The following STEAP1 variants were observed in gnomAD, a reference collection of about 807,000 sequenced individuals.
The protein encoded by STEAP1 is STEAP1 protein.
A neutral mutation model predicts 34.4 loss-of-function variants in STEAP1; 30 were observed. The observed-to-expected ratio is 0.87, with a 90% CI of 0.65 to 1.18. The LOEUF is 1.18. Among genes scored for constraint, STEAP1 ranks in the 50% most tolerant of loss-of-function variants. STEAP1 has a pLI of 0.00. For synonymous variants in STEAP1, 116 were observed against 135.3 expected, an observed-to-expected ratio of 0.86 and a Z score of 0.99; for missense variants, 318 against 391.1, an observed-to-expected ratio of 0.81 and a Z score of 1.58.
chr7:90,157,654 C>G (rs932303663), intron 1 of STEAP1, among the ~76,000 whole-genome samples: 1 of 152,136 alleles, frequency 6.6e-6, no homozygotes, highest in Non-Finnish European at 1.5e-5. Flanking sequence ...AGAATGTGGG[C>G]AAACTAAAAC....
chr7:90,156,133 G>T (rs1200443266), intron 1 of STEAP1, among the ~76,000 whole-genome samples: 6 of 152,146 alleles, frequency 3.9e-5, no homozygotes, highest in Admixed American at 2.0e-4. Flanking sequence ...AATAAATGTA[G>T]GTGGATTTGT....
At position 90,160,839 on chromosome 7, in the gene STEAP1, G is replaced by C. The variant is rs1437275150; in HGVS notation, c.119G>C (p.Arg40Thr). 3.7e-6 allele frequency: 6 copies of C among 1,613,860 alleles called. No individual in the cohort carries two copies. The highest frequency in any genetic ancestry group is 5.1e-6 in the Non-Finnish European group (6 of 1,179,860). ...ACGGGAGAGACCAGCATGCTAAAAA[G>C]ACCTGTGCTTTTGCATTTGCACCAA... Reference protein sequence around the residue: ...KDTGETSMLKRPVLLHLHQTA... With the variant: ...KDTGETSMLKTPVLLHLHQTA... The change falls in exon 3 of 5, where the codon AGA becomes ACA. Residue 40 changes from arginine to threonine, a missense_variant. Arg to Thr is a moderately conservative substitution (Grantham distance 71, BLOSUM62 -1). Transcript: ENST00000297205.
intron 1 of STEAP1, among the ~76,000 whole-genome samples, chr7:90,155,458 G>A (rs1361760093): frequency 6.6e-6 from 1 of 152,172 alleles, no homozygotes; most frequent in East Asian, 1.9e-4. Context: ...AGCCATCCTG[G>A]TACAGCAAAA....
chr7:90,157,678 A>G (rs1320570038), intron 1 of STEAP1, among the ~76,000 whole-genome samples: 1 of 152,256 alleles, frequency 6.6e-6, no homozygotes, highest in Non-Finnish European at 1.5e-5. Context: ...AGATATCTTC[A>G]TCATGAATGT....
At chr7:90,162,310 TTG>T in intron 4 of STEAP1, 32 of 648,512 alleles carry the variant, frequency 4.9e-5, no homozygotes, top group East Asian at 1.2e-4. Flanking sequence ...TTTTTTTTTT[TTG>T]TTTGTTTGTT....
chr7:90,156,260 A>C (rs935213871), intron 1 of STEAP1, among the ~76,000 whole-genome samples: 30 of 151,344 alleles, frequency 2.0e-4, no homozygotes, highest in African/African-American at 5.8e-4. Flanking sequence ...TCCCTCCCCC[A>C]CCCCACAAAC....
rs1794175150 is a variant in STEAP1, at chr7:90,160,937, T to C, written c.217T>C (p.Leu73=). 1 of 1,613,928 alleles carries C rather than the reference T, an allele frequency of 6.2e-7. No individual in the cohort carries two copies. Among genetic ancestry groups the C allele is most frequent in the African/African-American group, 1.3e-5 (1 of 74,946 alleles). The change falls in exon 3 of 5, where the codon TTG becomes CTG. Residue 73 remains leucine, a synonymous_variant. Coordinates refer to ENST00000297205, the MANE Select transcript of STEAP1 (RefSeq NM_012449.3). The part of the protein sequence containing the change: ...HTQELFPQWH[L]PIKIAAIIAS... ...ACAGGAACTCTTTCCACAGTGGCAC[T>C]TGCCAATTAAAATAGCTGCTATTAT...
At chr7:90,162,633 C>T (rs974199612) in intron 4 of STEAP1, among the ~76,000 whole-genome samples, 31 of 152,164 alleles carry the variant, frequency 2.0e-4, no homozygotes, top group Middle Eastern at 3.4e-3. Flanking sequence ...TCAGCCTGCT[C>T]TTTCTAATAT....
At chr7:90,158,830 T>A (rs1223942479) in intron 1 of STEAP1, among the ~76,000 whole-genome samples, 2 of 152,230 alleles carry the variant, frequency 1.3e-5, no homozygotes, top group Admixed American at 6.5e-5. Flanking sequence ...AAGTGTTATG[T>A]GACACATCAC....
intron 1 of STEAP1, 64 bp from the exon 2 acceptor site, chr7:90,159,694 G>T: frequency 1.1e-6 from 1 of 899,632 alleles, no homozygotes. Context: ...TTTTTATATT[G>T]TTACATCAAA....
At chr7:90,156,331 A>T (rs1794118678) in intron 1 of STEAP1, among the ~76,000 whole-genome samples, 2 of 152,138 alleles carry the variant, frequency 1.3e-5, no homozygotes, top group Admixed American at 1.3e-4. Context: ...GTTGAAATGT[A>T]ACCCCCAGTG....
At chr7:90,156,633 G>A (rs1794122847) in intron 1 of STEAP1, among the ~76,000 whole-genome samples, 1 of 152,224 alleles carries the variant, frequency 6.6e-6, no homozygotes, top group Non-Finnish European at 1.5e-5. Context: ...GATCTAGGTT[G>A]TGTGCTCCTT....
In STEAP1 at chr7:90,162,846, C is replaced by T. The variant is rs1176134960; in HGVS notation, c.762+768C>T. The T allele has an allele frequency of 1.8e-5, 4 of 216,688 alleles. No homozygotes were observed. The East Asian group carries it at 2.7e-4, about 15-fold the overall frequency. The allele number at this position is 216,688 out of a possible 1,614,324, so 13.4% of individuals were successfully genotyped here. ...AGAGTTTTTATCTACCAAAGATATT[C>T]TAGTGTCTCATTTCAAAGGCTGCTT... On this transcript the variant is annotated intron_variant, in intron 4 of 4. Transcript: ENST00000297205.
chr7:90,161,673 C>G (rs1794188950), intron 3 of STEAP1, among the ~76,000 whole-genome samples: 1 of 151,600 alleles, frequency 6.6e-6, no homozygotes, highest in African/African-American at 2.4e-5. Context: ...TCCAAGTAAA[C>G]CATCAAATAA....
In STEAP1 at chr7:90,164,591, A is replaced by T. The variant is rs751837235; in HGVS notation, c.877A>T (p.Ile293Leu). 1 of 1,613,822 alleles carries T rather than the reference A, an allele frequency of 6.2e-7. No homozygotes were observed. Among genetic ancestry groups the T allele is most frequent in the Non-Finnish European group, 8.5e-7 (1 of 1,179,846 alleles). ...ATGGTATACACCTCCAACTTTTATG[A>T]TAGCTGTTTTCCTTCCAATTGTTGT... The part of the protein sequence containing the change: ...FVWYTPPTFM[I>L]AVFLPIVVLI... The change falls in exon 5 of 5, where the codon ATA (isoleucine) becomes TTA (leucine). Residue 293 changes from isoleucine (I) to leucine (L), a missense_variant. Physicochemically the swap from Ile to Leu is conservative, Grantham distance 5. Transcript: ENST00000297205.
intron 1 of STEAP1, among the ~76,000 whole-genome samples, chr7:90,159,274 A>G (rs1175716140): frequency 6.6e-6 from 1 of 152,218 alleles, no homozygotes; most frequent in African/African-American, 2.4e-5. Context: ...TTACTCCAAA[A>G]GAAAAATGGT....
chr7:90,164,271 C>G (rs1794221545), intron 4 of STEAP1, among the ~76,000 whole-genome samples: 1 of 152,108 alleles, frequency 6.6e-6, no homozygotes, highest in Admixed American at 6.5e-5. Flanking sequence ...TTCACTTAGA[C>G]AGCTTGGAGA....
intron 1 of STEAP1, 92 bp from the exon 2 acceptor site, chr7:90,159,666 G>A (rs1172390624): frequency 1.3e-5 from 8 of 592,890 alleles, no homozygotes; most frequent in Non-Finnish European, 1.8e-5. Flanking sequence ...TGCCATTCTA[G>A]TCTTTAAGTA....
intron 1 of STEAP1, among the ~76,000 whole-genome samples, chr7:90,157,547 C>G (rs939764284): frequency 4.6e-5 from 7 of 152,162 alleles, no homozygotes; most frequent in Non-Finnish European, 1.0e-4. Flanking sequence ...CTTCTGTGAC[C>G]AGGGAATGAG....
Sources: allele counts gnomAD v4.1 joint callset (sites outside exome capture counted in the v4.1 genomes callset), GRCh38; gene constraint gnomAD v4.1.1; transcripts MANE v1.5; gene names NCBI Gene and HGNC (gene_info 2026-07-23, HGNC 2026-07-21).